The following HTR1F variants were observed in gnomAD, a reference collection of about 807,000 sequenced individuals.
HTR1F encodes 5-hydroxytryptamine (serotonin) receptor 1F, G protein-coupled.
Under a neutral mutation model 24.0 loss-of-function variants are expected in HTR1F, and 17 were observed. The observed-to-expected ratio is 0.71, with a 90% CI of 0.48 to 1.06. The LOEUF is 1.06. HTR1F is among the 50% of genes least tolerant of loss of function. The pLI is 0.00. For synonymous variants in HTR1F, 186 were observed against 156.8 expected (o/e 1.19, Z -1.39); for missense variants, 391 against 427.8 (o/e 0.91, Z 0.76).
intron 2 of HTR1F, among the ~76,000 whole-genome samples, chr3:87,837,867 A>G (rs952992048): frequency 1.3e-5 from 2 of 152,004 alleles, no homozygotes; most frequent in African/African-American, 4.8e-5. Context: ...TTACAGTATA[A>G]TTATTATTGA....
At chr3:87,914,374 C>T (rs904366291) in intron 2 of HTR1F, among the ~76,000 whole-genome samples, 3 of 152,106 alleles carry the variant, frequency 2.0e-5, no homozygotes, top group African/African-American at 4.8e-5. Flanking sequence ...GGCATGAATC[C>T]GATATTGCAG....
At chr3:87,808,918 T>C (rs971964784) in intron 1 of HTR1F, among the ~76,000 whole-genome samples, 3 of 151,836 alleles carry the variant, frequency 2.0e-5, no homozygotes, top group African/African-American at 7.2e-5. Context: ...ACAAAGTTTC[T>C]CTTTTTATAG....
intron 2 of HTR1F, among the ~76,000 whole-genome samples, chr3:87,957,573 C>T (rs1218634468): frequency 6.6e-6 from 1 of 151,130 alleles, no homozygotes; most frequent in African/African-American, 2.4e-5. Flanking sequence ...CCAAAGAAAC[C>T]ATATGGAATC....
chr3:87,862,515 T>C (rs1473670900), intron 2 of HTR1F, among the ~76,000 whole-genome samples: 1 of 152,220 alleles, frequency 6.6e-6, no homozygotes, highest in Non-Finnish European at 1.5e-5. Context: ...ATTCTTTCTG[T>C]ACTTTTTAAT....
chr3:87,860,738 G>C (rs1262446341), intron 2 of HTR1F, among the ~76,000 whole-genome samples: 1 of 152,058 alleles, frequency 6.6e-6, no homozygotes, highest in African/African-American at 2.4e-5. Flanking sequence ...TAAGGACATG[G>C]CATAATGACT....
At chr3:87,924,434 T>C (rs1336281617) in intron 2 of HTR1F, among the ~76,000 whole-genome samples, 9 of 152,156 alleles carry the variant, frequency 5.9e-5, no homozygotes, top group African/African-American at 2.2e-4. Context: ...ATTTGATTCT[T>C]TTCTTTCTCA....
At chr3:87,961,405 T>C (rs1705057405) in intron 2 of HTR1F, among the ~76,000 whole-genome samples, 1 of 152,098 alleles carries the variant, frequency 6.6e-6, no homozygotes, top group Admixed American at 6.6e-5. Context: ...GATGAAAATG[T>C]TAAATTAGAG....
At chr3:87,936,405 C>G (rs1704416148) in intron 2 of HTR1F, among the ~76,000 whole-genome samples, 1 of 152,120 alleles carries the variant, frequency 6.6e-6, no homozygotes, top group Non-Finnish European at 1.5e-5. Context: ...TCCTCTGAGC[C>G]ACTTGAGTCT....
At chr3:87,885,999 C>T (rs1212014441) in intron 2 of HTR1F, among the ~76,000 whole-genome samples, 4 of 152,128 alleles carry the variant, frequency 2.6e-5, no homozygotes, top group African/African-American at 9.7e-5. Flanking sequence ...ATGAGGCCAG[C>T]ATCATCCTGA....
At chr3:87,932,390 T>C (rs1204171305) in intron 2 of HTR1F, among the ~76,000 whole-genome samples, 2 of 152,172 alleles carry the variant, frequency 1.3e-5, no homozygotes, top group Non-Finnish European at 2.9e-5. Flanking sequence ...ATCCATTCTG[T>C]TCCATTGATC....
intron 2 of HTR1F, among the ~76,000 whole-genome samples, chr3:87,830,695 C>A (rs914451593): frequency 2.9e-4 from 44 of 152,076 alleles, no homozygotes; most frequent in African/African-American, 1.0e-3. Flanking sequence ...TTTTTACACA[C>A]AGAAAAATAT....
chr3:87,882,703 T>G (rs1447498544), intron 2 of HTR1F, among the ~76,000 whole-genome samples: 30 of 100,316 alleles, frequency 3.0e-4, no homozygotes, highest in East Asian at 1.3e-3. Context: ...TGGGGACTGT[T>G]GTGGGGTCGG....
chr3:87,937,116 C>T (rs1265113570), intron 2 of HTR1F, among the ~76,000 whole-genome samples: 2 of 151,064 alleles, frequency 1.3e-5, no homozygotes, highest in African/African-American at 2.4e-5. Flanking sequence ...CGGACTCCTC[C>T]CCAACTCATT....
chr3:87,898,278 C>A (rs1451514707), intron 2 of HTR1F, among the ~76,000 whole-genome samples: 1 of 152,090 alleles, frequency 6.6e-6, no homozygotes, highest in African/African-American at 2.4e-5. Context: ...GATGATAGAG[C>A]CTGGAATTCA....
intron 2 of HTR1F, among the ~76,000 whole-genome samples, chr3:87,835,079 A>G (rs1559599221): frequency 6.6e-6 from 1 of 152,118 alleles, no homozygotes; most frequent in Non-Finnish European, 1.5e-5. Context: ...ATTCAATGCC[A>G]TTTTCTCCGT....
intron 1 of HTR1F, among the ~76,000 whole-genome samples, chr3:87,804,642 TC>T (rs1474743992): frequency 6.6e-6 from 1 of 152,118 alleles, no homozygotes; most frequent in Admixed American, 6.6e-5. Flanking sequence ...GTCTGGCAGT[TC>T]TTTGTGCTCA....
intron 1 of HTR1F, among the ~76,000 whole-genome samples, chr3:87,815,517 T>C (rs1397962457): frequency 6.6e-6 from 1 of 152,106 alleles, no homozygotes; most frequent in East Asian, 1.9e-4. Flanking sequence ...TTTATGTTTT[T>C]ATTTAATTCC....
At chr3:87,890,351 T>G (rs1435837650) in intron 2 of HTR1F, among the ~76,000 whole-genome samples, 1 of 152,214 alleles carries the variant, frequency 6.6e-6, no homozygotes, top group Non-Finnish European at 1.5e-5. Context: ...TTTATAAAAT[T>G]TTTATCTCTA....
At chr3:87,802,256 CTT>C in intron 1 of HTR1F, among the ~76,000 whole-genome samples, 4 of 83,836 alleles carry the variant, frequency 4.8e-5, no homozygotes, top group African/African-American at 3.7e-4. Context: ...TTCCTTCCTT[CTT>C]TTTCTTTCTT....
Sources: gnomAD v4.1 joint callset for allele counts (sites outside exome capture counted in the v4.1 genomes callset) on GRCh38, gnomAD v4.1.1 for gene constraint, MANE v1.5 for transcripts, NCBI Gene and HGNC (gene_info 2026-07-23, HGNC 2026-07-21) for gene names.